Variants in ITGA2 observed in about 807,000 individuals in gnomAD.
The protein encoded by ITGA2 is integrin alpha-2.
A neutral mutation model predicts 146.3 loss-of-function variants in ITGA2; 101 were observed. That is an observed-to-expected ratio of 0.69 (90% CI 0.59 to 0.81). The LOEUF is 0.81. Among genes scored for constraint, ITGA2 ranks in the 40% least tolerant of loss-of-function variants. The pLI is 0.00. For missense variants in ITGA2, 1,281 were observed against 1,402.7 expected (o/e 0.91, Z 1.39); for synonymous variants, 477 against 487.1 (o/e 0.98, Z 0.27).
chr5:53,081,780 A>T (rs894009460), intron 26 of ITGA2, 84 bp downstream of exon 26: 1 of 900,924 alleles, frequency 1.1e-6, no homozygotes, highest in Non-Finnish European at 1.8e-6. Context: ...CTACCAGCTG[A>T]TATCATAGAG....
intron 5 of ITGA2, 55 bp downstream of exon 5, chr5:53,048,532 G>T: frequency 6.2e-6 from 10 of 1,606,556 alleles, no homozygotes. Context: ...AAAGGAGGGG[G>T]AAAAGGTTAT....
Position 53,035,959 on chromosome 5 carries a change from A to G in ITGA2, c.186-6153A>G, listed in dbSNP as rs1427868017. The stretch of plus-strand genomic sequence containing the variant: ...TCCCCCTATCGCAAAATCTTGCTCT[A>G]CTGACAGCATCCCCTTTAATCTGAT... On this transcript the variant is annotated intron_variant, in intron 2 of 29. Transcript: ENST00000296585. Among the ~76,000 whole-genome samples, 4 of 152,096 alleles carry G rather than the reference A, an allele frequency of 2.6e-5. No individual in the cohort carries two copies. In the East Asian group the frequency reaches 5.8e-4, roughly 22 times the overall value.
At chr5:53,088,825 T>G (rs1366293475) in intron 28 of ITGA2, among the ~76,000 whole-genome samples, 1 of 152,188 alleles carries the variant, frequency 6.6e-6, no homozygotes, top group Non-Finnish European at 1.5e-5. Context: ...AATTTTTGAA[T>G]AAGGTATGTA....
At chr5:53,008,967 A>G (rs1019562716) in intron 1 of ITGA2, among the ~76,000 whole-genome samples, 2 of 152,114 alleles carry the variant, frequency 1.3e-5, no homozygotes, top group Non-Finnish European at 2.9e-5. Flanking sequence ...GCATGTGTCT[A>G]TCAGTTCCCC....
At position 53,071,966 on chromosome 5, in the gene ITGA2, A is replaced by G; in HGVS notation, c.2264A>G (p.Asp755Gly). The change falls in exon 18 of 30, where the codon GAT (aspartate) becomes GGT (glycine). Residue 755 changes from aspartate (D) to glycine (G), a missense_variant. Transcript: ENST00000296585. ...CCCTCTGATGTTGTCAACTCTTTGG[A>G]TTTGCGTGTGGACATCAGTCTGGAA... ...QEPSDVVNSL[D>G]LRVDISLENP... The G allele has an allele frequency of 1.2e-6, 2 of 1,612,100 alleles. No homozygotes were observed. The highest frequency in any genetic ancestry group is 1.7e-6 in the Non-Finnish European group (2 of 1,178,846).
At chr5:53,049,012 CTTT>C (rs111756330) in intron 6 of ITGA2, among the ~76,000 whole-genome samples, 65 of 144,104 alleles carry the variant, frequency 4.5e-4, no homozygotes, top group African/African-American at 1.4e-3. Flanking sequence ...TGGGACATAA[CTTT>C]TTTTTTTTTT....
intron 15 of ITGA2, among the ~76,000 whole-genome samples, chr5:53,066,904 A>G (rs933387634): frequency 3.9e-5 from 6 of 151,908 alleles, no homozygotes; most frequent in Non-Finnish European, 7.4e-5. Context: ...TATGTTAAAC[A>G]TGTATTGTGT....
At chr5:53,086,888 C>A in intron 27 of ITGA2, 64 bp from the exon 28 acceptor site, 1 of 1,247,726 alleles carries the variant, frequency 8.0e-7, no homozygotes, top group African/African-American at 1.5e-5. Flanking sequence ...AAATCATAAG[C>A]ATGCCAGCTT....
intron 27 of ITGA2, 78 bp downstream of exon 27, chr5:53,083,531 A>C (rs1413848124): frequency 4.4e-6 from 4 of 918,250 alleles, no homozygotes; most frequent in Non-Finnish European, 7.2e-6. Flanking sequence ...TTCCCCTTTG[A>C]CAAAATAAGT....
chr5:53,066,465 C>G (rs1745151230), intron 15 of ITGA2, among the ~76,000 whole-genome samples: 1 of 151,768 alleles, frequency 6.6e-6, no homozygotes, highest in African/African-American at 2.4e-5. Context: ...GTTGAAGATT[C>G]AGAGAGAACA....
chr5:53,073,962 A>G (rs1308285050), intron 20 of ITGA2, among the ~76,000 whole-genome samples: 1 of 150,996 alleles, frequency 6.6e-6, no homozygotes, highest in Admixed American at 6.6e-5. Context: ...AAAAAAAAAA[A>G]AAAACCCTCA....
intron 2 of ITGA2, among the ~76,000 whole-genome samples, chr5:53,040,698 T>G (rs1743750822): frequency 6.6e-6 from 1 of 152,206 alleles, no homozygotes; most frequent in Non-Finnish European, 1.5e-5. Context: ...GCTAGAGTGT[T>G]CTATCTTAGT....
chr5:53,030,825 A>C (rs139542070), intron 2 of ITGA2, among the ~76,000 whole-genome samples: 1 of 152,222 alleles, frequency 6.6e-6, no homozygotes, highest in Non-Finnish European at 1.5e-5. Context: ...GTTTTCTTTC[A>C]GTGTCACTAG....
At chr5:53,052,127 A>G (rs1468245402) in intron 7 of ITGA2, among the ~76,000 whole-genome samples, 1 of 152,104 alleles carries the variant, frequency 6.6e-6, no homozygotes, top group Admixed American at 6.6e-5. Flanking sequence ...TCTGGGATAC[A>G]TGTGCAGAAC....
chr5:53,037,019 T>C (rs1388783372), intron 2 of ITGA2, among the ~76,000 whole-genome samples: 2 of 152,196 alleles, frequency 1.3e-5, no homozygotes, highest in African/African-American at 4.8e-5. Context: ...TGGTAAAATC[T>C]CTAGTATTGA....
intron 13 of ITGA2, among the ~76,000 whole-genome samples, chr5:53,064,104 A>G (rs1991013): frequency 0.48 from 73,178 of 151,650 alleles, 17,686 homozygotes; most frequent in Middle Eastern, 0.52. Flanking sequence ...GAATTATTTA[A>G]TGTTTTTAAT....
rs1230191834 is a variant in ITGA2, at chr5:53,021,441, T to C, written c.65-5307T>C. Among the ~76,000 whole-genome samples the C allele has an allele frequency of 2.0e-5, 3 of 152,234 alleles. No individual in the cohort carries two copies. In the East Asian group the frequency reaches 5.8e-4, roughly 29 times the overall value. The stretch of plus-strand genomic sequence containing the variant: ...TACTTACACACACAGAGAGCCTAAG[T>C]GCCTAAACACTGTTTTCTCATTCTT... On this transcript the variant is annotated intron_variant, in intron 1 of 29. Transcript: ENST00000296585.
intron 1 of ITGA2, among the ~76,000 whole-genome samples, chr5:53,023,935 G>A (rs545920414): frequency 2.7e-4 from 41 of 152,308 alleles, no homozygotes; most frequent in African/African-American, 9.4e-4. Context: ...TTTATCAAAA[G>A]AGGCAGGATA....
Position 52,989,481 on chromosome 5 carries a change from C to A in ITGA2, c.13C>A (p.Arg5=). 1.2e-6 allele frequency: 2 copies of A among 1,614,160 alleles called. No individual in the cohort carries two copies. The highest frequency in any genetic ancestry group is 1.7e-6 in the Non-Finnish European group (2 of 1,180,002). Residue 5 remains arginine (R), a synonymous_variant, in exon 1 of 30, where the codon CGG becomes AGG. Transcript: ENST00000296585. MGPE[R]TGAAPLPLLL... The stretch of plus-strand genomic sequence containing the variant: ...GGTCAGACCCAGGATGGGGCCAGAA[C>A]GGACAGGGGCCGCGCCGCTGCCGCT...
Sources: gnomAD v4.1 joint callset for allele counts (sites outside exome capture counted in the v4.1 genomes callset) on GRCh38, gnomAD v4.1.1 for gene constraint, MANE v1.5 for transcripts, NCBI Gene and HGNC (gene_info 2026-07-23, HGNC 2026-07-21) for gene names.